Variants in PRICKLE2 observed in about 807,000 individuals in gnomAD.
PRICKLE2 encodes the protein prickle-like protein 2.
In PRICKLE2, 21 loss-of-function variants were observed where a neutral mutation model predicts 81.4. That is an observed-to-expected ratio of 0.26 (90% CI 0.18 to 0.37). The LOEUF is 0.37. Ranked by LOEUF, PRICKLE2 falls within the 10% of genes least tolerant of loss-of-function variation. The pLI is 1.00. For missense variants in PRICKLE2, 940 were observed against 1,109.0 expected (o/e 0.85, Z 2.16); for synonymous variants, 456 against 421.5 (o/e 1.08, Z -1.00).
At chr3:64,141,989 A>G (rs1418889904) in intron 7 of PRICKLE2, 1 of 962,480 alleles carries the variant, frequency 1.0e-6, no homozygotes, top group Non-Finnish European at 1.2e-6. Context: ...TTAGAATGCT[A>G]TTAAAAAAAA....
At chr3:64,201,840 A>G (rs2078587316) in intron 1 of PRICKLE2, among the ~76,000 whole-genome samples, 1 of 152,210 alleles carries the variant, frequency 6.6e-6, no homozygotes, top group Admixed American at 6.5e-5. Context: ...ATGTATTCTT[A>G]CATTTTAATT....
At chr3:64,159,240 G>T (rs932468330) in intron 4 of PRICKLE2, among the ~76,000 whole-genome samples, 7 of 152,134 alleles carry the variant, frequency 4.6e-5, no homozygotes, top group Non-Finnish European at 1.0e-4. Flanking sequence ...AACATGACTC[G>T]GAAGGGCTTC....
intron 2 of PRICKLE2, among the ~76,000 whole-genome samples, chr3:64,243,391 T>C (rs2079297436): frequency 6.6e-6 from 1 of 152,198 alleles, no homozygotes. Flanking sequence ...GAAAACCAAA[T>C]ATATCTCCAG....
intron 2 of PRICKLE2, among the ~76,000 whole-genome samples, chr3:64,194,876 G>A (rs1327746422): frequency 6.6e-6 from 1 of 151,764 alleles, no homozygotes; most frequent in Non-Finnish European, 1.5e-5. Flanking sequence ...ACCCCCTTCT[G>A]TACAAAAAAT....
chr3:64,223,548 G>A (rs2107152089), intron 1 of PRICKLE2, among the ~76,000 whole-genome samples: 1 of 152,170 alleles, frequency 6.6e-6, no homozygotes, highest in African/African-American at 2.4e-5. Flanking sequence ...TTCAAACAAT[G>A]CTATTTTACT....
chr3:64,129,158 T>TTAAAAATACAAGACTCAAGTGTTG (rs550754036), intron 7 of PRICKLE2, among the ~76,000 whole-genome samples: 3 of 152,126 alleles, frequency 2.0e-5, no homozygotes, highest in African/African-American at 4.8e-5. Flanking sequence ...GGGATTATGG[T>TTAAAAATACAAGACTCAAGTGTTG]TAAAAATACA....
chr3:64,238,884 T>C (rs536462476), intron 2 of PRICKLE2, among the ~76,000 whole-genome samples: 1 of 152,316 alleles, frequency 6.6e-6, no homozygotes, highest in South Asian at 2.1e-4. Flanking sequence ...AGCGAGGGCA[T>C]CTGAAGCCCT....
In PRICKLE2 at chr3:64,147,356, C is replaced by T. The variant is rs368695262; in HGVS notation, c.1134G>A (p.Met378Ile). The change falls in exon 7 of 8, where the codon ATG becomes ATA. Residue 378 changes from methionine (M) to isoleucine (I), a missense_variant. Around this residue, in one of 2 missense-constraint regions of PRICKLE2, gnomAD observed 670 missense variants for 717.2 expected, o/e 0.93. Coordinates refer to ENST00000638394, the MANE Select transcript of PRICKLE2 (RefSeq NM_198859.4). The surrounding 1 kb of genome is among the most constrained non-coding windows in gnomAD (Gnocchi z 5.0). ...DVDPLSLQMD[M>I]LSLSSQTPSL... ...TGGGTGTCTGGCTGGACAGGCTGAG[C>T]ATGTCCATCTGCAGTGACAGGGGGT... The T allele has an allele frequency of 6.2e-7, 1 of 1,614,182 alleles. No individual in the cohort carries two copies. Among genetic ancestry groups the T allele is most frequent in the Admixed American group, 1.7e-5 (1 of 60,034 alleles).
rs865814940 is a variant in PRICKLE2 at position 64,183,410 on chromosome 3, A to C, written c.144+15374T>G. On this transcript the variant is annotated intron_variant, in intron 2 of 7. Transcript: ENST00000638394. ...CACATATATTTATAAGGAATGTTAC[A>C]AAAGAATAATCTATCAAAACTATAG... 2.0e-5 allele frequency among the ~76,000 whole-genome samples: 3 copies of C among 152,160 alleles called. No individual in the cohort carries two copies. In the South Asian group the frequency reaches 6.2e-4, roughly 32 times the overall value.
At chr3:64,143,468 G>A (rs572205747) in intron 7 of PRICKLE2, among the ~76,000 whole-genome samples, 88 of 152,234 alleles carry the variant, frequency 5.8e-4, no homozygotes, top group Admixed American at 1.4e-3. Flanking sequence ...TGGAAACCGC[G>A]TCCACTCCCT....
intron 2 of PRICKLE2, among the ~76,000 whole-genome samples, chr3:64,191,432 G>A (rs927327447): frequency 6.6e-6 from 1 of 152,198 alleles, no homozygotes; most frequent in African/African-American, 2.4e-5. Context: ...TCAGCCCTGT[G>A]ATCTCCAGGT....
At chr3:64,186,741 G>T (rs531332494) in intron 2 of PRICKLE2, among the ~76,000 whole-genome samples, 53 of 152,344 alleles carry the variant, frequency 3.5e-4, no homozygotes, top group Middle Eastern at 3.4e-3. Flanking sequence ...GGCACAGGCA[G>T]ATAAATAGAT....
At chr3:64,152,590 TG>T (rs2077565089) in intron 6 of PRICKLE2, among the ~76,000 whole-genome samples, 1 of 151,680 alleles carries the variant, frequency 6.6e-6, no homozygotes, top group Non-Finnish European at 1.5e-5. Flanking sequence ...CAGAAGCCAC[TG>T]GGTTTCCTTG....
intron 2 of PRICKLE2, among the ~76,000 whole-genome samples, chr3:64,264,722 T>C (rs1275931186): frequency 2.0e-5 from 3 of 152,192 alleles, no homozygotes; most frequent in African/African-American, 7.2e-5. Flanking sequence ...GAGTAACCTT[T>C]TGCAAATGTT....
intron 7 of PRICKLE2, among the ~76,000 whole-genome samples, chr3:64,137,564 A>C (rs568643566): frequency 2.6e-5 from 4 of 152,290 alleles, no homozygotes; most frequent in African/African-American, 9.6e-5. Flanking sequence ...GACACTGGAA[A>C]AGGTTCTCCG....
intron 2 of PRICKLE2, among the ~76,000 whole-genome samples, chr3:64,259,275 T>G (rs544373027): frequency 5.4e-4 from 82 of 152,308 alleles, no homozygotes; most frequent in Middle Eastern, 3.4e-3. Context: ...AATATTTACT[T>G]GATATTCACT....
Position 64,099,603 on chromosome 3 carries a change from C to A in PRICKLE2, c.1983G>T (p.Arg661Ser). ...GGGTGCGTTCACTCATGGGCTGGAT[C>A]CTCACGCCCTCCTGCCCTGGCAGCT... ...GSKLPGQEGV[R>S]IQPMSERTRR... The change falls in exon 8 of 8, where the codon AGG becomes AGT. Residue 661 changes from arginine to serine, a missense_variant. Arg to Ser is a moderately radical substitution (Grantham distance 110). This residue lies in a region of PRICKLE2 where 670 missense variants were observed against 717.2 expected (regional missense o/e 0.93). Transcript: ENST00000638394. The surrounding 1 kb of genome is among the most constrained non-coding windows in gnomAD (Gnocchi z 4.3). 6.2e-7 allele frequency: 1 copy of A among 1,613,934 alleles called. No individual in the cohort carries two copies. The highest frequency in any genetic ancestry group is 1.3e-5 in the African/African-American group (1 of 75,056).
At chr3:64,103,894 C>A (rs938081216) in intron 7 of PRICKLE2, among the ~76,000 whole-genome samples, 1 of 152,158 alleles carries the variant, frequency 6.6e-6, no homozygotes, top group Non-Finnish European at 1.5e-5. Flanking sequence ...GTGGCAGTAT[C>A]ACCTGAGCCC....
chr3:64,121,029 G>C (rs1034782156), intron 7 of PRICKLE2, among the ~76,000 whole-genome samples: 2 of 152,146 alleles, frequency 1.3e-5, no homozygotes, highest in Non-Finnish European at 2.9e-5. Flanking sequence ...CTCTGTCTCA[G>C]CCAGCCTGTG....
Sources: gnomAD v4.1 joint callset for allele counts (sites outside exome capture counted in the v4.1 genomes callset) on GRCh38, gnomAD v4.1.1 for gene constraint, gnomAD v4.1.1 regional missense constraint, Gnocchi (gnomAD v3.1) non-coding constraint, MANE v1.5 for transcripts, NCBI Gene and HGNC (gene_info 2026-07-23, HGNC 2026-07-21) for gene names.